OTUB1: variants seen among roughly 807,000 people sequenced by gnomAD.
OTUB1 encodes ubiquitin thioesterase OTUB1.
In OTUB1, 10 loss-of-function variants were observed where a neutral mutation model predicts 35.8. The observed-to-expected ratio is 0.28, with a 90% confidence interval of 0.17 to 0.47. The LOEUF is 0.47. Among genes scored for constraint, OTUB1 ranks in the 20% least tolerant of loss-of-function variants. The pLI, the probability that OTUB1 is intolerant of heterozygous loss-of-function variation, is 0.99. For synonymous variants in OTUB1, 158 were observed against 143.8 expected (o/e 1.10, Z -0.71); for missense variants, 264 against 351.6 (o/e 0.75, Z 1.99).
chr11:63,987,649 T>G (rs769186921), intron 1 of OTUB1, among the ~76,000 whole-genome samples: 19 of 152,260 alleles, frequency 1.2e-4, no homozygotes, highest in Non-Finnish European at 2.6e-4. Context: ...AGTTGTGACC[T>G]TGAGCAGATT....
At chr11:63,994,801 A>G (rs560709375) in intron 3 of OTUB1, among the ~76,000 whole-genome samples, 9 of 152,354 alleles carry the variant, frequency 5.9e-5, no homozygotes, top group Middle Eastern at 3.4e-3. Flanking sequence ...GAGGGCGTTC[A>G]GCTGACCTTG....
intron 1 of OTUB1, chr11:63,987,105 A>C (rs1203422502): frequency 6.6e-6 from 1 of 152,378 alleles, no homozygotes; most frequent in African/African-American, 2.4e-5. Flanking sequence ...TCTCCTTAGG[A>C]GATGGGCCTT....
At chr11:63,996,689 CT>C (rs1942720578) in intron 4 of OTUB1, 41 bp downstream of exon 4, 1 of 1,613,880 alleles carries the variant, frequency 6.2e-7, no homozygotes, top group Admixed American at 1.7e-5. Context: ...AGGTGGGTGT[CT>C]ACCTCCTCCC....
rs554865823 is a variant in OTUB1, at chr11:63,988,510, C to T, written c.120+112C>T. The T allele has an allele frequency of 5.1e-4, 646 of 1,273,364 alleles. 1 individual carries two copies. Among genetic ancestry groups the T allele is most frequent in the Non-Finnish European group, 6.9e-4 (606 of 879,810 alleles). 78.9% of individuals were successfully genotyped at this position (1,273,364 alleles called of 1,614,324 possible). On this transcript the variant is annotated intron_variant, in intron 2 of 6. Coordinates refer to ENST00000538426, the MANE Select transcript of OTUB1 (RefSeq NM_017670.3). ...CTCTACTTTGGAAGCTCCCTCCTCC[C>T]TAGGCTATGCTAGGTACTGGTGCTT... is the stretch of plus-strand genomic sequence containing the variant.
At chr11:63,987,888 A>G (rs1412618700) in intron 1 of OTUB1, among the ~76,000 whole-genome samples, 1 of 152,174 alleles carries the variant, frequency 6.6e-6, no homozygotes, top group Admixed American at 6.5e-5. Flanking sequence ...AGGGGGTGTC[A>G]GAGCTGAAAG....
intron 3 of OTUB1, among the ~76,000 whole-genome samples, chr11:63,993,779 C>T (rs1440483083): frequency 6.6e-6 from 1 of 152,096 alleles, no homozygotes; most frequent in Admixed American, 6.6e-5. Flanking sequence ...ACTTGATCCT[C>T]CCCCCTTGGC....
intron 3 of OTUB1, chr11:63,990,566 G>A (rs1401026564): frequency 2.0e-5 from 3 of 148,332 alleles, no homozygotes; most frequent in African/African-American, 7.7e-5. Flanking sequence ...CAGCCTGGGT[G>A]ACAGTGAGAC....
chr11:63,996,868 T>C lies in OTUB1; in HGVS notation c.350T>C (p.Val117Ala), dbSNP rs765679036. 3.4e-5 allele frequency: 55 copies of C among 1,614,100 alleles called. No individual in the cohort carries two copies. The highest frequency in any genetic ancestry group is 4.1e-5 in the Non-Finnish European group (48 of 1,180,024). Reference protein sequence around the residue: ...DSKELQRFKAVSAKSKEDLVS... With the variant: ...DSKELQRFKAASAKSKEDLVS... ...CATCCCACCCCCAGGTTCAAGGCTGTGTCTGCCAAGAGCAAGGAAGACCTG... is the reference window on the plus strand; with the variant it reads ...CATCCCACCCCCAGGTTCAAGGCTGCGTCTGCCAAGAGCAAGGAAGACCTG... The change falls in exon 5 of 7, where the codon GTG becomes GCG. Residue 117 changes from valine to alanine, a missense_variant. Physicochemically the swap from Val to Ala is moderately conservative, Grantham distance 64. This residue lies in a region of OTUB1 where 214 missense variants were observed against 317.1 expected (regional missense o/e 0.67). Transcript: ENST00000538426.
At chr11:63,996,416 C>G in intron 3 of OTUB1, 114 bp from the exon 4 acceptor site, 1 of 1,149,416 alleles carries the variant, frequency 8.7e-7, no homozygotes, top group Non-Finnish European at 1.3e-6. Flanking sequence ...TGGCAGGTGG[C>G]TGCTGGGAGC....
At chr11:63,986,820 C>G (rs974758140) in intron 1 of OTUB1, 2 of 371,806 alleles carry the variant, frequency 5.4e-6, no homozygotes, top group Non-Finnish European at 9.6e-6. Context: ...GCTCCAGGGG[C>G]CCCGAGCCCT....
intron 3 of OTUB1, chr11:63,989,685 C>CT (rs1383756197): frequency 3.5e-5 from 5 of 142,824 alleles, no homozygotes; most frequent in East Asian, 4.1e-4. Context: ...CAAGATCCCG[C>CT]ACTGTACTCT....
chr11:63,994,488 A>T (rs984733915), intron 3 of OTUB1, among the ~76,000 whole-genome samples: 19 of 152,160 alleles, frequency 1.2e-4, no homozygotes, highest in Admixed American at 5.9e-4. Context: ...CTTGACCTCG[A>T]TATCTGCCTG....
intron 3 of OTUB1, 22 bp from the exon 4 acceptor site, chr11:63,996,508 C>T (rs200302840): frequency 6.6e-5 from 106 of 1,612,838 alleles, no homozygotes; most frequent in African/African-American, 1.2e-4. Flanking sequence ...GTTAACCTGT[C>T]GGGGTGGGGC....
At position 63,988,359 on chromosome 11, in the gene OTUB1, T is replaced by C; in HGVS notation, c.81T>C (p.Asp27=). The change falls in exon 2 of 7, where the codon GAT becomes GAC. Residue 27 remains aspartate, a synonymous_variant. Transcript: ENST00000538426. The stretch of plus-strand genomic sequence containing the variant: ...CAGGTGTTAACTGTCTGGCCTATGA[T>C]GAAGCCATCATGGCTCAGCAGGACC... ...DSEGVNCLAY[D]EAIMAQQDRI... is the part of the protein sequence containing the mutation. 1.3e-6 allele frequency: 2 copies of C among 1,554,240 alleles called. No homozygotes were observed. Among genetic ancestry groups the C allele is most frequent in the Non-Finnish European group, 1.7e-6 (2 of 1,148,086 alleles).
chr11:63,993,817 G>A (rs540776523), intron 3 of OTUB1, among the ~76,000 whole-genome samples: 1 of 152,174 alleles, frequency 6.6e-6, no homozygotes, highest in East Asian at 1.9e-4. Context: ...TTACAGGTGT[G>A]AGCCACTGTA....
At chr11:63,992,227 G>A (rs1303175335) in intron 3 of OTUB1, among the ~76,000 whole-genome samples, 6 of 151,464 alleles carry the variant, frequency 4.0e-5, no homozygotes, top group Admixed American at 6.6e-5. Flanking sequence ...AAAAAAAAAA[G>A]AGGGGATTGG....
intron 3 of OTUB1, among the ~76,000 whole-genome samples, chr11:63,991,762 A>T (rs1942674758): frequency 6.6e-6 from 1 of 152,214 alleles, no homozygotes; most frequent in Non-Finnish European, 1.5e-5. Flanking sequence ...TTGAGAACGG[A>T]CTGTGGTCCA....
At position 63,988,640 on chromosome 11, in the gene OTUB1, C is replaced by T. The variant is rs748068070; in HGVS notation, c.121-14C>T. Reference sequence around the variant, plus strand: ...TCTCCCTGCTAGGACATGACAGATCCCTGCCTCCTCCAGATTGCTGTGCAG... The same window carrying T: ...TCTCCCTGCTAGGACATGACAGATCTCTGCCTCCTCCAGATTGCTGTGCAG... On this transcript the variant is annotated splice_polypyrimidine_tract_variant and intron_variant, in intron 2 of 6. Coordinates refer to ENST00000538426, the MANE Select transcript of OTUB1 (RefSeq NM_017670.3). The T allele has an allele frequency of 4.5e-5, 72 of 1,593,706 alleles. No homozygotes were observed. The Admixed American group carries it at 1.0e-3, about 23-fold the overall frequency.
At position 63,988,723 on chromosome 11, in the gene OTUB1, G is replaced by C; in HGVS notation, c.190G>C (p.Asp64His). 1 of 1,612,836 alleles carries C rather than the reference G, an allele frequency of 6.2e-7. No homozygotes were observed. Among genetic ancestry groups the C allele is most frequent in the Non-Finnish European group, 8.5e-7 (1 of 1,179,362 alleles). ...LSVLYKEYAE[D>H]DNIYQQKIKD... ...GGTCCTATACAAGGAGTATGCTGAA[G>C]ATGACAACATCTATCAACAGAAGAT... Residue 64 changes from aspartate (D) to histidine (H), a missense_variant, in exon 3 of 7, where the codon GAT (aspartate) becomes CAT (histidine). Physicochemically the swap from Asp to His is moderately conservative, Grantham distance 81 (BLOSUM62 -1). Transcript: ENST00000538426.
Sources: allele counts gnomAD v4.1 joint callset (sites outside exome capture counted in the v4.1 genomes callset), GRCh38; gene constraint gnomAD v4.1.1; regional missense constraint gnomAD v4.1.1; transcripts MANE v1.5; gene names NCBI Gene and HGNC (gene_info 2026-07-23, HGNC 2026-07-21).